The following DAPK2 variants were observed in gnomAD, a reference collection of about 807,000 sequenced individuals.
DAPK2 encodes death associated protein kinase 2, also known as death-associated protein kinase 2.
DAPK2 carries 35 observed loss-of-function variants against 44.1 expected under a neutral mutation model. The ratio of observed to expected loss-of-function variants is 0.79; its 90% CI spans 0.61 to 1.05. The LOEUF is 1.05. Among genes scored for constraint, DAPK2 ranks in the 50% least tolerant of loss-of-function variants. DAPK2 has a pLI of 0.00. For synonymous variants in DAPK2, 174 were observed against 182.6 expected, an observed-to-expected ratio of 0.95 and a Z score of 0.38; for missense variants, 453 against 483.2, an observed-to-expected ratio of 0.94 and a Z score of 0.59.
chr15:63,996,722 T>C (rs982955371), intron 1 of DAPK2, among the ~76,000 whole-genome samples: 8 of 152,198 alleles, frequency 5.3e-5, no homozygotes, highest in African/African-American at 9.6e-5. Flanking sequence ...AAAACGGAGC[T>C]TAGCCCATTT....
chr15:63,955,006 T>C (rs1371388101), intron 3 of DAPK2, among the ~76,000 whole-genome samples: 2 of 152,244 alleles, frequency 1.3e-5, no homozygotes, highest in Non-Finnish European at 2.9e-5. Context: ...TGATTTTGTC[T>C]CCTGCAACTT....
chr15:63,934,391 G>A (rs1479005170), intron 4 of DAPK2, among the ~76,000 whole-genome samples: 8 of 150,684 alleles, frequency 5.3e-5, no homozygotes, highest in Admixed American at 4.0e-4. Context: ...CAAGTAGCCG[G>A]GATTACAGGC....
chr15:63,950,656 G>A (rs1353134100), intron 3 of DAPK2, among the ~76,000 whole-genome samples: 1 of 152,196 alleles, frequency 6.6e-6, no homozygotes, highest in Non-Finnish European at 1.5e-5. Flanking sequence ...AATCCGTAAT[G>A]TTAGAATCTG....
chr15:63,931,848 C>T (rs907869316), intron 4 of DAPK2, among the ~76,000 whole-genome samples: 1 of 152,080 alleles, frequency 6.6e-6, no homozygotes, highest in African/African-American at 2.4e-5. Flanking sequence ...TTGAATTTCA[C>T]AGCCCCGCAG....
chr15:63,938,613 C>A (rs1356728594), intron 4 of DAPK2, among the ~76,000 whole-genome samples: 3 of 152,228 alleles, frequency 2.0e-5, no homozygotes. Context: ...TCATTCCTTC[C>A]CCCTCTACAG....
At chr15:63,988,368 T>G (rs964950043) in intron 1 of DAPK2, among the ~76,000 whole-genome samples, 1 of 152,320 alleles carries the variant, frequency 6.6e-6, no homozygotes. Context: ...TTAAGGTTCA[T>G]GGAGGAGCCT....
At chr15:64,024,697 C>G (rs1461441309) in intron 1 of DAPK2, among the ~76,000 whole-genome samples, 1 of 152,200 alleles carries the variant, frequency 6.6e-6, no homozygotes. Context: ...CCCTTCTCCC[C>G]TCTGCCCAGT....
At chr15:64,006,345 G>A (rs1567268675) in intron 1 of DAPK2, among the ~76,000 whole-genome samples, 1 of 152,128 alleles carries the variant, frequency 6.6e-6, no homozygotes, top group Non-Finnish European at 1.5e-5. Flanking sequence ...TTTACCATCA[G>A]AGGCCATAAG....
At chr15:64,027,744 A>G (rs1424254828) in intron 1 of DAPK2, among the ~76,000 whole-genome samples, 1 of 152,202 alleles carries the variant, frequency 6.6e-6, no homozygotes, top group African/African-American at 2.4e-5. Context: ...ATACACAAAA[A>G]CAATAAAAGA....
At chr15:63,991,237 G>C (rs1181443265) in intron 1 of DAPK2, 2 of 456,226 alleles carry the variant, frequency 4.4e-6, no homozygotes, top group Admixed American at 4.7e-5. Context: ...CCAAAGCCAG[G>C]TGGGCAGTGC....
Position 63,908,507 on chromosome 15 carries a change from C to A in DAPK2, c.*13G>T, listed in dbSNP as rs1481518829. ...GCCCAGACCTCCCTGGCGGCCACTG[C>A]AGGTCAGGCCAGTTAGGAGGTGCTG... is the stretch of plus-strand genomic sequence containing the variant. On this transcript the variant is annotated 3_prime_UTR_variant, in exon 11 of 11. Transcript: ENST00000261891. This position sits in a 1 kb window ranked among gnomAD's most constrained non-coding sequence, Gnocchi z 5.7. The A allele has an allele frequency of 6.4e-7, 1 of 1,571,210 alleles. No individual in the cohort carries two copies. The highest frequency in any genetic ancestry group is 8.6e-7 in the Non-Finnish European group (1 of 1,158,394).
chr15:63,914,692 G>C (rs114002641), intron 8 of DAPK2, among the ~76,000 whole-genome samples: 6,591 of 152,240 alleles, frequency 0.043, 203 homozygotes, highest in South Asian at 0.11. Context: ...TCTGCTTCCT[G>C]TCCATTTGGC....
chr15:63,956,627 C>T (rs972804394), intron 3 of DAPK2, among the ~76,000 whole-genome samples: 11 of 151,862 alleles, frequency 7.2e-5, no homozygotes, highest in Non-Finnish European at 1.2e-4. Flanking sequence ...CACTCCGTCG[C>T]CCAGGCTGGA....
upstream of DAPK2, among the ~76,000 whole-genome samples, chr15:64,045,156 G>A (rs561954008): frequency 5.3e-5 from 8 of 152,248 alleles, no homozygotes; most frequent in African/African-American, 1.7e-4. Flanking sequence ...GGGTCAGTGC[G>A]GGTCTCATTC....
intron 3 of DAPK2, among the ~76,000 whole-genome samples, chr15:63,969,210 G>T (rs1377451053): frequency 6.6e-6 from 1 of 151,650 alleles, no homozygotes; most frequent in Non-Finnish European, 1.5e-5. Flanking sequence ...CTTGAGCCTA[G>T]GAGTTGCAGA....
intron 1 of DAPK2, among the ~76,000 whole-genome samples, chr15:63,995,903 T>C (rs1170197464): frequency 4.6e-5 from 7 of 152,230 alleles, no homozygotes; most frequent in Admixed American, 4.6e-4. Flanking sequence ...GTGTGTAGTG[T>C]CCTTTACAGT....
chr15:63,956,892 T>A (rs977015671), intron 3 of DAPK2, among the ~76,000 whole-genome samples: 19 of 152,328 alleles, frequency 1.2e-4, no homozygotes, highest in Middle Eastern at 3.4e-3. Context: ...TGGCCAAAAA[T>A]TTTTTAAAGA....
At chr15:63,958,673 G>A (rs2077797526) in intron 3 of DAPK2, among the ~76,000 whole-genome samples, 1 of 152,244 alleles carries the variant, frequency 6.6e-6, no homozygotes, top group Admixed American at 6.5e-5. Context: ...TAGATGTGTG[G>A]TATTATTTCC....
At chr15:64,015,367 G>T (rs939015833) in intron 1 of DAPK2, among the ~76,000 whole-genome samples, 1 of 152,158 alleles carries the variant, frequency 6.6e-6, no homozygotes, top group African/African-American at 2.4e-5. Flanking sequence ...CTAAAGGATC[G>T]AGACCACTTG....
Sources: allele counts gnomAD v4.1 joint callset (sites outside exome capture counted in the v4.1 genomes callset), GRCh38; gene constraint gnomAD v4.1.1; non-coding constraint Gnocchi (gnomAD v3.1); transcripts MANE v1.5; gene names NCBI Gene and HGNC (gene_info 2026-07-23, HGNC 2026-07-21).